The following INPP4A variants were observed in gnomAD, a reference collection of about 807,000 sequenced individuals.
The protein encoded by INPP4A is inositol polyphosphate-4-phosphatase type I A.
In INPP4A, 33 loss-of-function variants were observed where a neutral mutation model predicts 119.8. That is an observed-to-expected ratio of 0.28 (90% CI 0.21 to 0.37). The LOEUF (loss-of-function observed/expected upper bound fraction) is 0.37, where lower values mean the gene tolerates loss of function less well. Among genes scored for constraint, INPP4A ranks in the 10% least tolerant of loss-of-function variants. The pLI is 1.00. For synonymous variants in INPP4A, 496 were observed against 500.7 expected (o/e 0.99, Z 0.12); for missense variants, 956 against 1,289.9 (o/e 0.74, Z 3.97).
chr2:98,489,483 C>T lies in INPP4A; in HGVS notation c.-165-29481C>T, dbSNP rs75993519. ...GGGAAGCAGAGATTCCCTGTCATGT[C>T]AGATGACTCAGAGGGGCCCTAGGAT... is the stretch of plus-strand genomic sequence containing the variant. On this transcript the variant is annotated intron_variant, in intron 1 of 24. Transcript: ENST00000409851. Among the ~76,000 whole-genome samples, 588 of 152,240 alleles carry T rather than the reference C, an allele frequency of 3.9e-3. 4 individuals are homozygous for T. Among genetic ancestry groups the T allele is most frequent in the African/African-American group, 0.013 (551 of 41,524 alleles).
At chr2:98,586,920 C>T (rs1399620033) in intron 24 of INPP4A, among the ~76,000 whole-genome samples, 1 of 152,234 alleles carries the variant, frequency 6.6e-6, no homozygotes, top group African/African-American at 2.4e-5. Flanking sequence ...GATTACCTGG[C>T]ACCCAGAACA....
At chr2:98,551,453 G>T (rs765387064) in intron 13 of INPP4A, among the ~76,000 whole-genome samples, 1 of 152,184 alleles carries the variant, frequency 6.6e-6, no homozygotes, top group Non-Finnish European at 1.5e-5. Flanking sequence ...TTACTGTGGC[G>T]TGTGGGCTTG....
At chr2:98,528,199 GA>G (rs1423883229) in intron 4 of INPP4A, among the ~76,000 whole-genome samples, 2 of 152,144 alleles carry the variant, frequency 1.3e-5, no homozygotes, top group Non-Finnish European at 2.9e-5. Flanking sequence ...TGAAGAGATA[GA>G]AACTATAAAG....
intron 17 of INPP4A, among the ~76,000 whole-genome samples, chr2:98,560,310 C>G (rs141816645): frequency 2.3e-3 from 346 of 152,270 alleles, no homozygotes; most frequent in African/African-American, 8.2e-3. Context: ...CAGCAGGATA[C>G]TTTGTTGATG....
At chr2:98,454,846 A>G (rs1269578485) in intron 1 of INPP4A, among the ~76,000 whole-genome samples, 1 of 151,912 alleles carries the variant, frequency 6.6e-6, no homozygotes, top group Non-Finnish European at 1.5e-5. Flanking sequence ...TTTTACTGAC[A>G]CTGTTTTTTT....
intron 1 of INPP4A, among the ~76,000 whole-genome samples, chr2:98,482,459 G>C (rs1282471335): frequency 6.6e-6 from 1 of 152,260 alleles, no homozygotes; most frequent in Non-Finnish European, 1.5e-5. Context: ...CTGAAGAAGA[G>C]TGGGATTAAA....
chr2:98,481,751 G>A (rs1177040758), intron 1 of INPP4A, among the ~76,000 whole-genome samples: 3 of 152,166 alleles, frequency 2.0e-5, no homozygotes, highest in Admixed American at 2.0e-4. Flanking sequence ...AGGAAGACAG[G>A]GAGGCTGTGA....
chr2:98,470,073 C>T (rs1675669785), intron 1 of INPP4A, among the ~76,000 whole-genome samples: 1 of 152,234 alleles, frequency 6.6e-6, no homozygotes, highest in South Asian at 2.1e-4. Context: ...CCGTCCACAT[C>T]TCACTTGGTA....
chr2:98,583,978 G>A (rs550485312), intron 24 of INPP4A, among the ~76,000 whole-genome samples: 261 of 152,326 alleles, frequency 1.7e-3, no homozygotes, highest in African/African-American at 6.0e-3. Flanking sequence ...GTGAATCCAC[G>A]CTTCTCCAAG....
intron 4 of INPP4A, among the ~76,000 whole-genome samples, chr2:98,532,256 C>T (rs1377926502): frequency 1.1e-4 from 16 of 151,762 alleles, no homozygotes; most frequent in Non-Finnish European, 5.9e-5. Context: ...CTCCTTTTTT[C>T]TCCCTGTTCT....
intron 19 of INPP4A, among the ~76,000 whole-genome samples, chr2:98,565,363 C>T (rs1696238064): frequency 6.6e-6 from 1 of 152,178 alleles, no homozygotes; most frequent in Non-Finnish European, 1.5e-5. Flanking sequence ...TATTTGTTTC[C>T]CTCCCTACTA....
In INPP4A at chr2:98,533,397, C is replaced by T. The variant is rs1689623899; in HGVS notation, c.172C>T (p.Pro58Ser). The change falls in exon 5 of 25, where the codon CCA becomes TCA. Residue 58 changes from proline to serine, a missense_variant. Coordinates refer to ENST00000409851, the MANE Select transcript of INPP4A (RefSeq NM_001134225.2). Reference protein sequence around the residue: ...FSLACSELHTPSLDRKPNSFV... With the variant: ...FSLACSELHTSSLDRKPNSFV... ...TGTAGCTTGCAGTGAGCTGCATACT[C>T]CATCGCTAGATCGAAAGCCAAATAG... 1.9e-6 allele frequency: 3 copies of T among 1,612,724 alleles called. No individual in the cohort carries two copies. The highest frequency in any genetic ancestry group is 2.7e-5 in the African/African-American group (2 of 74,922).
intron 13 of INPP4A, among the ~76,000 whole-genome samples, chr2:98,549,748 T>C (rs940542517): frequency 6.6e-6 from 1 of 151,996 alleles, no homozygotes; most frequent in African/African-American, 2.4e-5. Context: ...ACTGAGGACA[T>C]TCCCCGATGT....
In INPP4A at chr2:98,552,690, T is replaced by G. The variant is rs775122985; in HGVS notation, c.1164-96T>G. 1.3e-4 allele frequency: 134 copies of G among 996,262 alleles called. 1 individual carries two copies. Among genetic ancestry groups the G allele is most frequent in the Non-Finnish European group, 2.1e-4 (129 of 624,452 alleles). 61.7% of individuals were successfully genotyped at this position (996,262 alleles called of 1,614,324 possible). On this transcript the variant is annotated intron_variant, in intron 13 of 24. Transcript: ENST00000409851. ...AGAACATCCCTGAGTCACAGAACAC[T>G]TCATCTTAGGGTCAATTGTGGCTGG...
At chr2:98,518,511 G>C (rs938649178) in intron 1 of INPP4A, among the ~76,000 whole-genome samples, 2 of 152,276 alleles carry the variant, frequency 1.3e-5, no homozygotes, top group Admixed American at 6.5e-5. Flanking sequence ...CAGCAGCATT[G>C]TGGGAACTCA....
chr2:98,495,307 C>T (rs896634507), intron 1 of INPP4A, among the ~76,000 whole-genome samples: 5 of 152,196 alleles, frequency 3.3e-5, no homozygotes, highest in African/African-American at 4.8e-5. Flanking sequence ...CACTGGTCTA[C>T]GTGTCTATTT....
chr2:98,473,228 GGA>G (rs2104880868), intron 1 of INPP4A, among the ~76,000 whole-genome samples: 1 of 149,666 alleles, frequency 6.7e-6, no homozygotes, highest in African/African-American at 2.5e-5. Context: ...TGGGTGCAGT[GGA>G]GAGTGTGGAG....
chr2:98,587,535 A>T lies in INPP4A; in HGVS notation c.2846A>T (p.Asn949Ile), dbSNP rs370403116. ...GTTGGAAGTCGCAAATATGCATTTA[A>T]TTCCCTGCAGCTGAAGGCTTTCCCC... ...KNVGSRKYAF[N>I]SLQLKAFPKH... Residue 949 changes from asparagine to isoleucine, a missense_variant, in exon 25 of 25, where the codon AAT becomes ATT. By Grantham distance (149) the Asn-to-Ile change is moderately radical. This residue lies in a region of INPP4A where 304 missense variants were observed against 492.1 expected (regional missense o/e 0.62). Coordinates refer to ENST00000409851, the MANE Select transcript of INPP4A (RefSeq NM_001134225.2). The T allele has an allele frequency of 5.0e-6, 8 of 1,611,018 alleles. No individual in the cohort carries two copies. The highest frequency in any genetic ancestry group is 6.8e-6 in the Non-Finnish European group (8 of 1,179,000).
intron 1 of INPP4A, among the ~76,000 whole-genome samples, chr2:98,459,787 A>G (rs1265651168): frequency 6.6e-6 from 1 of 152,230 alleles, no homozygotes; most frequent in Non-Finnish European, 1.5e-5. Context: ...GAATAAAGCT[A>G]GTCTGTCCTT....
Sources: allele counts gnomAD v4.1 joint callset (sites outside exome capture counted in the v4.1 genomes callset), GRCh38; gene constraint gnomAD v4.1.1; regional missense constraint gnomAD v4.1.1; transcripts MANE v1.5; gene names NCBI Gene and HGNC (gene_info 2026-07-23, HGNC 2026-07-21).